The following SYT1 variants were observed in gnomAD, a reference collection of about 807,000 sequenced individuals.
The protein encoded by SYT1 is synaptotagmin-1.
SYT1 carries 8 observed loss-of-function variants against 44.8 expected under a neutral mutation model. That is an observed-to-expected ratio of 0.18 (90% CI 0.10 to 0.32). The LOEUF is 0.32. SYT1 is among the 10% of genes least tolerant of loss of function. SYT1 has a pLI of 1.00. For synonymous variants in SYT1, 154 were observed against 188.8 expected, an observed-to-expected ratio of 0.82 and a Z score of 1.51; for missense variants, 286 against 509.3, an observed-to-expected ratio of 0.56 and a Z score of 4.22.
chr12:79,010,965 T>C (rs2137570978), intron 2 of SYT1, among the ~76,000 whole-genome samples: 1 of 152,304 alleles, frequency 6.6e-6, no homozygotes, highest in South Asian at 2.1e-4. Flanking sequence ...GACAGAGGTG[T>C]CTTGGTCTAG....
At chr12:79,259,255 T>C (rs1160794628) in intron 4 of SYT1, among the ~76,000 whole-genome samples, 2 of 152,194 alleles carry the variant, frequency 1.3e-5, no homozygotes, top group African/African-American at 4.8e-5. Context: ...ATATTTATAG[T>C]TCTACAAAAA....
intron 9 of SYT1, among the ~76,000 whole-genome samples, chr12:79,411,764 G>A (rs1024426891): frequency 5.3e-5 from 8 of 151,590 alleles, no homozygotes; most frequent in South Asian, 2.1e-4. Flanking sequence ...CATTTTTCCA[G>A]GTTGATTTTC....
At chr12:79,109,993 T>A (rs117995588) in intron 3 of SYT1, among the ~76,000 whole-genome samples, 3 of 152,208 alleles carry the variant, frequency 2.0e-5, no homozygotes, top group Non-Finnish European at 4.4e-5. Flanking sequence ...TGATTCAAAA[T>A]GTAGTGAACA....
intron 1 of SYT1, among the ~76,000 whole-genome samples, chr12:78,895,431 C>G (rs542779588): frequency 0.081 from 12,205 of 151,568 alleles, 566 homozygotes; most frequent in African/African-American, 0.13. Flanking sequence ...ACATAATAAG[C>G]AGACTAAAGA....
At chr12:79,173,797 A>C (rs1170633630) in intron 3 of SYT1, among the ~76,000 whole-genome samples, 1 of 152,106 alleles carries the variant, frequency 6.6e-6, no homozygotes, top group Non-Finnish European at 1.5e-5. Context: ...TAATGAATTT[A>C]GTCAGTACGA....
chr12:79,064,741 C>T (rs923718393), intron 3 of SYT1, among the ~76,000 whole-genome samples: 8 of 151,400 alleles, frequency 5.3e-5, no homozygotes, highest in Non-Finnish European at 8.8e-5. Context: ...GTCTATGAAA[C>T]AGATTATGCT....
At chr12:78,881,948 G>A (rs1258513911) in intron 1 of SYT1, among the ~76,000 whole-genome samples, 1 of 148,216 alleles carries the variant, frequency 6.7e-6, no homozygotes, top group African/African-American at 2.5e-5. Flanking sequence ...TGACAATTTT[G>A]TCTCCCATTA....
chr12:79,263,953 A>C (rs1257184025), intron 4 of SYT1, among the ~76,000 whole-genome samples: 1 of 152,074 alleles, frequency 6.6e-6, no homozygotes, highest in African/African-American at 2.4e-5. Flanking sequence ...AAGGACTAAA[A>C]ATTGTGTGGT....
intron 8 of SYT1, among the ~76,000 whole-genome samples, chr12:79,316,651 C>T (rs1881099958): frequency 6.6e-6 from 1 of 152,146 alleles, no homozygotes; most frequent in Admixed American, 6.5e-5. Flanking sequence ...TGCTCAGTAC[C>T]ACCTTGATTC....
chr12:78,876,716 TATATA>T (rs1396382022), intron 1 of SYT1, among the ~76,000 whole-genome samples: 125 of 111,158 alleles, frequency 1.1e-3, no homozygotes, highest in South Asian at 1.6e-3. Flanking sequence ...TATAATATAT[TATATA>T]ATATAATTAT....
chr12:78,910,825 G>C (rs760933798), intron 1 of SYT1, among the ~76,000 whole-genome samples: 10 of 151,912 alleles, frequency 6.6e-5, no homozygotes, highest in Non-Finnish European at 1.2e-4. Flanking sequence ...GCTGACACCA[G>C]AAGGACAAAC....
At chr12:79,020,284 G>A (rs1449518736) in intron 2 of SYT1, among the ~76,000 whole-genome samples, 3 of 151,912 alleles carry the variant, frequency 2.0e-5, no homozygotes, top group Non-Finnish European at 1.5e-5. Flanking sequence ...TGTGACTCAT[G>A]TCATCTGTGC....
chr12:79,230,865 C>T (rs1355574814), intron 4 of SYT1, among the ~76,000 whole-genome samples: 1 of 152,138 alleles, frequency 6.6e-6, no homozygotes, highest in Admixed American at 6.5e-5. Flanking sequence ...AAATGAGGGG[C>T]TTGAACAAGA....
chr12:79,415,167 C>T lies in SYT1; in HGVS notation c.929-28906C>T, dbSNP rs370152563. 6.3e-4 allele frequency among the ~76,000 whole-genome samples: 96 copies of T among 151,868 alleles called. 1 individual carries two copies. Among genetic ancestry groups the T allele is most frequent in the African/African-American group, 2.0e-3 (84 of 41,410 alleles). ...TTATGACAGAGAAGTAAAAACAGAC[C>T]AGAAGTATAAAGTTTCTCTCTCCCC... On this transcript the variant is annotated intron_variant, in intron 9 of 10. Transcript: ENST00000261205.
At chr12:79,393,881 T>C (rs1314110675) in intron 9 of SYT1, 1 of 152,248 alleles carries the variant, frequency 6.6e-6, no homozygotes, top group Non-Finnish European at 1.5e-5. Context: ...TCAGCCTCCC[T>C]CTTCTTTTCC....
chr12:79,198,522 A>T (rs1873592938), intron 3 of SYT1, among the ~76,000 whole-genome samples: 1 of 152,230 alleles, frequency 6.6e-6, no homozygotes, highest in South Asian at 2.1e-4. Flanking sequence ...CACAGAAAAC[A>T]AGTATTTTAT....
intron 2 of SYT1, among the ~76,000 whole-genome samples, chr12:78,981,517 C>T (rs183585280): frequency 1.3e-4 from 20 of 152,120 alleles, no homozygotes; most frequent in African/African-American, 4.1e-4. Context: ...AGATAGTGGG[C>T]GAGCATGCAT....
At chr12:79,138,681 A>G (rs1869356553) in intron 3 of SYT1, among the ~76,000 whole-genome samples, 1 of 152,060 alleles carries the variant, frequency 6.6e-6, no homozygotes, top group Non-Finnish European at 1.5e-5. Flanking sequence ...ATGCATGCAT[A>G]TGCATAAACA....
At chr12:79,345,014 T>A (rs1882542221) in intron 8 of SYT1, among the ~76,000 whole-genome samples, 1 of 152,192 alleles carries the variant, frequency 6.6e-6, no homozygotes, top group Non-Finnish European at 1.5e-5. Context: ...GGTATAGTAC[T>A]GTGTACATGC....
Sources: gnomAD v4.1 joint callset for allele counts (sites outside exome capture counted in the v4.1 genomes callset) on GRCh38, gnomAD v4.1.1 for gene constraint, MANE v1.5 for transcripts, NCBI Gene and HGNC (gene_info 2026-07-23, HGNC 2026-07-21) for gene names.